DLGAP1: variants seen among roughly 807,000 people sequenced by gnomAD.
DLGAP1 encodes DLG associated protein 1.
Under a neutral mutation model 90.8 loss-of-function variants are expected in DLGAP1, and 11 were observed. The observed-to-expected ratio is 0.12, with a 90% CI of 0.08 to 0.20. DLGAP1 has a LOEUF of 0.20. Among genes scored for constraint, DLGAP1 ranks in the 10% least tolerant of loss-of-function variants. The pLI is 1.00. For synonymous variants in DLGAP1, 558 were observed against 540.7 expected (o/e 1.03, Z -0.44); for missense variants, 1,050 against 1,333.8 (o/e 0.79, Z 3.31).
chr18:3,723,852 A>G (rs2062062907), intron 7 of DLGAP1, among the ~76,000 whole-genome samples: 1 of 152,186 alleles, frequency 6.6e-6, no homozygotes, highest in East Asian at 1.9e-4. Context: ...TTCTCCTGTT[A>G]CAAAAATCAA....
chr18:3,798,513 T>C (rs1275908382), intron 5 of DLGAP1, among the ~76,000 whole-genome samples: 1 of 152,140 alleles, frequency 6.6e-6, no homozygotes, highest in Non-Finnish European at 1.5e-5. Context: ...CCCTGGGGGA[T>C]TGACTTGGAG....
At chr18:4,370,566 C>T (rs1343590989) in intron 1 of DLGAP1, among the ~76,000 whole-genome samples, 1 of 152,116 alleles carries the variant, frequency 6.6e-6, no homozygotes, top group Non-Finnish European at 1.5e-5. Flanking sequence ...CTTAATGGTA[C>T]CAAGTATTGT....
At chr18:3,926,422 AC>A (rs2072387889) in intron 3 of DLGAP1, among the ~76,000 whole-genome samples, 1 of 135,410 alleles carries the variant, frequency 7.4e-6, no homozygotes, top group Non-Finnish European at 1.6e-5. Context: ...ATATATATAT[AC>A]ACACACACAC....
Position 4,034,257 on chromosome 18 carries a change from G to C in DLGAP1, c.-158-29056C>G, listed in dbSNP as rs569163712. The stretch of plus-strand genomic sequence containing the variant: ...GGGTTTCACCATGTTGGCCAGGCTG[G>C]TCTCAAACACCTGACTTCAAATGAT... On this transcript the variant is annotated intron_variant, in intron 2 of 12. Transcript: ENST00000315677. 3.3e-5 allele frequency among the ~76,000 whole-genome samples: 5 copies of C among 150,734 alleles called. No homozygotes were observed. The East Asian group carries it at 9.9e-4, about 30-fold the overall frequency.
intron 2 of DLGAP1, among the ~76,000 whole-genome samples, chr18:4,071,717 A>C (rs2075450031): frequency 6.6e-6 from 1 of 152,218 alleles, no homozygotes; most frequent in Non-Finnish European, 1.5e-5. Flanking sequence ...ATAGGTCCAA[A>C]AGGATGGGTC....
At chr18:4,277,746 T>C (rs749373558) in intron 1 of DLGAP1, among the ~76,000 whole-genome samples, 3 of 152,224 alleles carry the variant, frequency 2.0e-5, no homozygotes, top group Middle Eastern at 3.2e-3. Context: ...ACTACTGTGA[T>C]AGAACTCAGC....
chr18:3,605,056 A>G (rs1333372887), intron 7 of DLGAP1, among the ~76,000 whole-genome samples: 1 of 152,180 alleles, frequency 6.6e-6, no homozygotes, highest in Non-Finnish European at 1.5e-5. Flanking sequence ...GAAGAGTGGA[A>G]ACCCTCCAGC....
chr18:4,299,096 A>AC (rs2080060618), intron 1 of DLGAP1, among the ~76,000 whole-genome samples: 1 of 151,532 alleles, frequency 6.6e-6, no homozygotes, highest in South Asian at 2.1e-4. Flanking sequence ...AAAAAAAAAA[A>AC]AAAAAAAAAA....
chr18:4,338,950 C>A (rs2081131459), intron 1 of DLGAP1, among the ~76,000 whole-genome samples: 1 of 152,142 alleles, frequency 6.6e-6, no homozygotes, highest in Admixed American at 6.5e-5. Context: ...ACTTATTATA[C>A]AAGTGCTTTC....
At chr18:3,719,131 G>T (rs984696334) in intron 7 of DLGAP1, among the ~76,000 whole-genome samples, 1 of 152,172 alleles carries the variant, frequency 6.6e-6, no homozygotes, top group Admixed American at 6.5e-5. Context: ...AAGTTGGAGA[G>T]GGCAAAGAGA....
At chr18:4,326,554 C>A (rs756495610) in intron 1 of DLGAP1, among the ~76,000 whole-genome samples, 3 of 152,094 alleles carry the variant, frequency 2.0e-5, no homozygotes, top group Non-Finnish European at 4.4e-5. Flanking sequence ...ATGTTCATTG[C>A]AGCAATATTC....
chr18:3,726,444 G>GGT (rs909027421), intron 7 of DLGAP1, among the ~76,000 whole-genome samples: 6 of 145,226 alleles, frequency 4.1e-5, no homozygotes, highest in South Asian at 2.2e-4. Context: ...GCGTGTGTGG[G>GGT]GTGTGTGTGT....
intron 7 of DLGAP1, among the ~76,000 whole-genome samples, chr18:3,596,176 T>C (rs971100807): frequency 2.0e-5 from 3 of 152,044 alleles, no homozygotes; most frequent in Admixed American, 6.6e-5. Context: ...CTTTTTTTTT[T>C]TAAGACCGTG....
rs1382205603 is a variant in DLGAP1 at position 4,034,053 on chromosome 18, T to TC, written c.-158-28853_-158-28852insG. 2.7e-3 allele frequency among the ~76,000 whole-genome samples: 395 copies of TC among 147,940 alleles called. 2 individuals carry two copies. Among genetic ancestry groups the TC allele is most frequent in the Non-Finnish European group, 4.4e-3 (291 of 66,758 alleles). ...CGCCCGGCCCTTTTTTTTTTTTTTTTTTTCTGAGATGGAGTTTCGCTCTTG... is the reference window on the plus strand; with the variant it reads ...CGCCCGGCCCTTTTTTTTTTTTTTTTCTTTCTGAGATGGAGTTTCGCTCTTG... On this transcript the variant is annotated intron_variant, in intron 2 of 12. Coordinates refer to ENST00000315677, the MANE Select transcript of DLGAP1 (RefSeq NM_004746.4).
At chr18:4,389,978 T>C (rs939225769) in intron 1 of DLGAP1, among the ~76,000 whole-genome samples, 2 of 152,214 alleles carry the variant, frequency 1.3e-5, no homozygotes, top group African/African-American at 4.8e-5. Context: ...TTAATTTAAC[T>C]GAACATCAGC....
chr18:4,255,726 A>T (rs2078875204), intron 1 of DLGAP1, among the ~76,000 whole-genome samples: 2 of 152,028 alleles, frequency 1.3e-5, no homozygotes, highest in Admixed American at 1.3e-4. Context: ...AGTTGTTACT[A>T]CCTAAACCTC....
chr18:4,331,502 T>C (rs774968714), intron 1 of DLGAP1, among the ~76,000 whole-genome samples: 15 of 151,850 alleles, frequency 9.9e-5, no homozygotes, highest in South Asian at 2.1e-4. Context: ...CCTAGCTCCC[T>C]CTGTAACCCA....
chr18:3,932,377 C>T (rs1208842703), intron 3 of DLGAP1, among the ~76,000 whole-genome samples: 1 of 152,176 alleles, frequency 6.6e-6, no homozygotes, highest in Non-Finnish European at 1.5e-5. Context: ...ACAAAAAGTG[C>T]CTCATGTGCA....
chr18:3,707,213 C>T (rs1165827509), intron 7 of DLGAP1, among the ~76,000 whole-genome samples: 4 of 152,126 alleles, frequency 2.6e-5, no homozygotes, highest in Non-Finnish European at 4.4e-5. Flanking sequence ...TACCTCTACG[C>T]TCTAAGAAAA....
Sources: gnomAD v4.1 joint callset for allele counts (sites outside exome capture counted in the v4.1 genomes callset) on GRCh38, gnomAD v4.1.1 for gene constraint, MANE v1.5 for transcripts, NCBI Gene and HGNC (gene_info 2026-07-23, HGNC 2026-07-21) for gene names.